Variants in ANKRD26 observed in about 807,000 individuals in gnomAD.
The protein encoded by ANKRD26 is ankyrin repeat domain-containing protein 26.
A neutral mutation model predicts 208.7 loss-of-function variants in ANKRD26; 141 were observed. The ratio of observed to expected loss-of-function variants is 0.68; its 90% CI spans 0.59 to 0.78. The LOEUF (loss-of-function observed/expected upper bound fraction) is 0.78. Among genes scored for constraint, ANKRD26 ranks in the 30% least tolerant of loss-of-function variants. The probability of loss-of-function intolerance (pLI) is 0.00; values close to 1 mark genes in which losing one functional copy is unlikely to be tolerated. For synonymous variants in ANKRD26, 636 were observed against 660.4 expected, an observed-to-expected ratio of 0.96 and a Z score of 0.57; for missense variants, 1,889 against 1,938.7, an observed-to-expected ratio of 0.97 and a Z score of 0.48.
chr10:26,964,533 C>T, the ANKRD26 span, among the ~76,000 whole-genome samples: 1 of 152,186 alleles, frequency 6.6e-6, no homozygotes, highest in Non-Finnish European at 1.5e-5. Context: ...AACCAAGCAA[C>T]AAATAGCAAA....
chr10:27,040,043 T>A lies in ANKRD26; in HGVS notation c.2297A>T (p.Glu766Val), dbSNP rs978457858. 1.2e-6 allele frequency: 2 copies of A among 1,613,622 alleles called. No individual in the cohort carries two copies. Among genetic ancestry groups the A allele is most frequent in the Non-Finnish European group, 1.7e-6 (2 of 1,179,894 alleles). The part of the protein sequence containing the change: ...MEDKVNVLQR[E>V]LSETKEIKSQ... ...TTTTATTTCTTTTGTTTCAGATAGC[T>A]CCCTTTGTAGTACATTAACCTTGTC... Residue 766 changes from glutamate to valine, a missense_variant, in exon 21 of 34, where the codon GAG becomes GTG. Around this residue, in one of 3 missense-constraint regions of ANKRD26, gnomAD observed 1,272 missense variants for 1,273.8 expected, o/e 1.00. Transcript: ENST00000376087.
chr10:27,088,257 G>A (rs778109720), intron 4 of ANKRD26: 1 of 152,106 alleles, frequency 6.6e-6, no homozygotes, highest in Non-Finnish European at 1.5e-5. Context: ...TCAATACTGG[G>A]TGCCACCCTT....
chr10:26,982,500 A>G (rs369759101), intron 4 of ANKRD26, among the ~76,000 whole-genome samples: 1 of 152,068 alleles, frequency 6.6e-6, no homozygotes, highest in African/African-American at 2.4e-5. Flanking sequence ...TTCTTTTATG[A>G]GCTGGTCCCT....
chr10:27,068,608 ACAGAAAAAT>A (rs2055354739), intron 9 of ANKRD26, among the ~76,000 whole-genome samples: 1 of 152,112 alleles, frequency 6.6e-6, no homozygotes, highest in African/African-American at 2.4e-5. Flanking sequence ...AGGAGAAAAA[ACAGAAAAAT>A]CAGGCCAAAC....
chr10:27,059,843 C>T (rs2054984704), intron 15 of ANKRD26, among the ~76,000 whole-genome samples: 1 of 151,214 alleles, frequency 6.6e-6, no homozygotes, highest in Admixed American at 6.6e-5. Flanking sequence ...TGCAGTGAGC[C>T]GAGATCATGC....
At chr10:27,072,684 C>T (rs143380811) in intron 9 of ANKRD26, among the ~76,000 whole-genome samples, 1 of 152,196 alleles carries the variant, frequency 6.6e-6, no homozygotes, top group African/African-American at 2.4e-5. Context: ...CCCATCACAA[C>T]GTCTGCAAGC....
chr10:27,038,182 T>G (rs2054106332), intron 21 of ANKRD26, 128 bp from the exon 22 acceptor site: 1 of 791,210 alleles, frequency 1.3e-6, no homozygotes, highest in Non-Finnish European at 2.0e-6. Flanking sequence ...TATTTTTCCT[T>G]TCTAGTTCTC....
intron 15 of ANKRD26, among the ~76,000 whole-genome samples, chr10:27,060,070 C>A (rs2135438587): frequency 6.6e-6 from 1 of 151,570 alleles, no homozygotes; most frequent in African/African-American, 2.4e-5. Flanking sequence ...CGTAGTGATG[C>A]ACACCTGTAA....
rs1207821050 is a variant in ANKRD26, at chr10:27,037,193, T to C, written c.2690A>G (p.Asn897Ser). Residue 897 changes from asparagine to serine, a missense_variant, in exon 23 of 34, where the codon AAT becomes AGT. Transcript: ENST00000376087. ...TAAAGGAAATAGAAATACCTCAGAA[T>C]TCATTTTCTTTTGAGCCATTTCAAT... Reference protein sequence around the residue: ...KEIEMAQKKMNSENSHSHEEE... With the variant: ...KEIEMAQKKMSSENSHSHEEE... The C allele has an allele frequency of 6.2e-7, 1 of 1,613,236 alleles. No homozygotes were observed.
chr10:26,989,005 A>G (rs1404466650), downstream of ANKRD26, among the ~76,000 whole-genome samples: 1 of 152,120 alleles, frequency 6.6e-6, no homozygotes, highest in African/African-American at 2.4e-5. Flanking sequence ...TAATGAGGAC[A>G]CAGCCCCCTT....
intron 21 of ANKRD26, among the ~76,000 whole-genome samples, 178 bp downstream of exon 21, chr10:27,039,787 T>A (rs947163390): frequency 6.6e-6 from 1 of 152,122 alleles, no homozygotes; most frequent in Non-Finnish European, 1.5e-5. Flanking sequence ...AAAGAATATA[T>A]ATTTAGTAGA....
chr10:26,962,867 T>C, the ANKRD26 span, among the ~76,000 whole-genome samples: 1 of 152,212 alleles, frequency 6.6e-6, no homozygotes, highest in East Asian at 1.9e-4. Flanking sequence ...TTTGCATCTG[T>C]GTTCCATGCA....
At chr10:26,985,537 T>C (rs2052372690) in intron 3 of ANKRD26, among the ~76,000 whole-genome samples, 1 of 152,180 alleles carries the variant, frequency 6.6e-6, no homozygotes, top group African/African-American at 2.4e-5. Context: ...TTTATGACCA[T>C]TCCCCAGATT....
chr10:27,074,737 G>C (rs4749222), intron 9 of ANKRD26, among the ~76,000 whole-genome samples: 2,870 of 151,772 alleles, frequency 0.019, 151 homozygotes, highest in East Asian at 0.16. Flanking sequence ...ATAGAAGTAA[G>C]AACTTTAGGG....
At chr10:26,970,882 A>C (rs2052132723), downstream of ANKRD26, among the ~76,000 whole-genome samples, 1 of 152,222 alleles carries the variant, frequency 6.6e-6, no homozygotes, top group African/African-American at 2.4e-5. Context: ...AGGAAAGAGG[A>C]AGTAAGGGGA....
chr10:27,013,614 C>CCAG, intron 31 of ANKRD26, among the ~76,000 whole-genome samples: 1 of 152,132 alleles, frequency 6.6e-6, no homozygotes, highest in South Asian at 2.1e-4. Flanking sequence ...GCTAAAAATA[C>CCAG]TTGTATTTAG....
At chr10:26,965,439 C>T in the ANKRD26 span, among the ~76,000 whole-genome samples, 1 of 152,136 alleles carries the variant, frequency 6.6e-6, no homozygotes, top group African/African-American at 2.4e-5. Flanking sequence ...ATGCAGAAAA[C>T]AGAAACTGGA....
chr10:26,997,919 G>A (rs943156872), intron 4 of ANKRD26, among the ~76,000 whole-genome samples: 1 of 152,084 alleles, frequency 6.6e-6, no homozygotes, highest in Admixed American at 6.6e-5. Context: ...TACTAGCGTC[G>A]GCCCCCTGGT....
intron 31 of ANKRD26, among the ~76,000 whole-genome samples, 192 bp from the exon 32 acceptor site, chr10:27,013,302 T>A (rs769326438): frequency 6.6e-6 from 1 of 152,126 alleles, no homozygotes; most frequent in African/African-American, 2.4e-5. Context: ...TCTAAAGAAG[T>A]GCATATGTTT....
Sources: gnomAD v4.1 joint callset for allele counts (sites outside exome capture counted in the v4.1 genomes callset) on GRCh38, gnomAD v4.1.1 for gene constraint, gnomAD v4.1.1 regional missense constraint, MANE v1.5 for transcripts, NCBI Gene and HGNC (gene_info 2026-07-23, HGNC 2026-07-21) for gene names.